The following GRID2 variants were observed in gnomAD, a reference collection of about 807,000 sequenced individuals.
GRID2 encodes the protein glutamate ionotropic receptor delta type subunit 2.
A neutral mutation model predicts 114.8 loss-of-function variants in GRID2; 33 were observed. The ratio of observed to expected loss-of-function variants is 0.29; its 90% CI spans 0.22 to 0.38. GRID2 has a LOEUF of 0.38. Ranked by LOEUF, GRID2 falls within the 10% of genes least tolerant of loss-of-function variation. GRID2 has a pLI of 1.00. For missense variants in GRID2, 1,184 were observed against 1,257.7 expected, an observed-to-expected ratio of 0.94 and a Z score of 0.89; for synonymous variants, 505 against 449.9, an observed-to-expected ratio of 1.12 and a Z score of -1.55.
intron 2 of GRID2, among the ~76,000 whole-genome samples, chr4:92,964,672 T>C (rs974005931): frequency 2.0e-5 from 3 of 152,070 alleles, no homozygotes; most frequent in Non-Finnish European, 2.9e-5. Flanking sequence ...TTTTACATTA[T>C]GGAGAAGACT....
At chr4:93,384,133 T>TGGCCAAAGGGGAA (rs1764106827) in intron 8 of GRID2, among the ~76,000 whole-genome samples, 2 of 152,142 alleles carry the variant, frequency 1.3e-5, no homozygotes, top group Non-Finnish European at 2.9e-5. Flanking sequence ...TATCCTCACA[T>TGGCCAAAGGGGAA]GGCCAAAGGG....
chr4:92,591,411 C>T (rs998577678), intron 2 of GRID2, among the ~76,000 whole-genome samples: 8 of 152,018 alleles, frequency 5.3e-5, no homozygotes, highest in African/African-American at 1.9e-4. Flanking sequence ...ACTAGTCTAC[C>T]TTATTTTTTA....
chr4:92,779,633 G>A (rs753349878), intron 2 of GRID2, among the ~76,000 whole-genome samples: 2 of 151,988 alleles, frequency 1.3e-5, no homozygotes, highest in Non-Finnish European at 2.9e-5. Flanking sequence ...GTCCAACTAT[G>A]GCATCCTTGT....
intron 4 of GRID2, among the ~76,000 whole-genome samples, chr4:93,155,681 T>C (rs1395757510): frequency 6.6e-6 from 1 of 151,684 alleles, no homozygotes; most frequent in Non-Finnish European, 1.5e-5. Context: ...GTACAAATAA[T>C]GGAGAAGGGA....
chr4:93,493,695 C>A (rs920484913), intron 12 of GRID2, among the ~76,000 whole-genome samples: 1 of 151,614 alleles, frequency 6.6e-6, no homozygotes, highest in Non-Finnish European at 1.5e-5. Context: ...GACTTTCATG[C>A]AATAGCAGTG....
intron 3 of GRID2, among the ~76,000 whole-genome samples, chr4:93,098,767 G>A (rs550140725): frequency 3.8e-4 from 57 of 151,960 alleles, no homozygotes; most frequent in Non-Finnish European, 6.3e-4. Flanking sequence ...TATTAGAATG[G>A]ATTCAGCTGT....
At chr4:92,705,588 G>A (rs371163984) in intron 2 of GRID2, among the ~76,000 whole-genome samples, 20 of 152,260 alleles carry the variant, frequency 1.3e-4, no homozygotes, top group African/African-American at 3.4e-4. Context: ...AACCGGACTG[G>A]ACTAGGAAAA....
intron 2 of GRID2, among the ~76,000 whole-genome samples, chr4:92,724,376 G>A (rs768852920): frequency 7.2e-5 from 11 of 152,138 alleles, no homozygotes; most frequent in African/African-American, 2.2e-4. Flanking sequence ...TCCTGAATAC[G>A]CCTAGGTTAG....
chr4:92,606,909 A>G (rs755477907), intron 2 of GRID2, among the ~76,000 whole-genome samples: 1 of 152,032 alleles, frequency 6.6e-6, no homozygotes, highest in Admixed American at 6.6e-5. Context: ...AAAGATTTCT[A>G]GCTTCTGTGC....
intron 2 of GRID2, among the ~76,000 whole-genome samples, chr4:92,889,346 A>C (rs1159000101): frequency 1.3e-5 from 2 of 152,196 alleles, no homozygotes; most frequent in African/African-American, 4.8e-5. Flanking sequence ...TGCAGATGAC[A>C]TGATTGTATA....
At chr4:92,899,986 A>G (rs1412193206) in intron 2 of GRID2, among the ~76,000 whole-genome samples, 1 of 152,110 alleles carries the variant, frequency 6.6e-6, no homozygotes, top group Non-Finnish European at 1.5e-5. Flanking sequence ...GGAGTGTTCT[A>G]GAGATGGAGG....
intron 8 of GRID2, among the ~76,000 whole-genome samples, chr4:93,252,508 C>G (rs1331639787): frequency 1.3e-5 from 2 of 151,768 alleles, no homozygotes; most frequent in African/African-American, 4.8e-5. Flanking sequence ...ACATGATGCC[C>G]CCAGCTTTGT....
At chr4:93,550,715 T>C (rs185190052) in intron 13 of GRID2, among the ~76,000 whole-genome samples, 72 of 152,336 alleles carry the variant, frequency 4.7e-4, no homozygotes, top group East Asian at 3.7e-3. Flanking sequence ...TATTCCAATA[T>C]GTTGAATAAT....
intron 4 of GRID2, among the ~76,000 whole-genome samples, chr4:93,162,732 A>G (rs982874802): frequency 6.6e-6 from 1 of 151,956 alleles, no homozygotes; most frequent in African/African-American, 2.4e-5. Flanking sequence ...GGTATCCTAG[A>G]AAGAATGATG....
chr4:93,099,517 G>T (rs1281363590), intron 3 of GRID2, among the ~76,000 whole-genome samples: 3 of 151,594 alleles, frequency 2.0e-5, no homozygotes, highest in African/African-American at 7.3e-5. Flanking sequence ...TGCATAATAA[G>T]TATTGACAAA....
At chr4:93,212,863 C>T (rs925108945) in intron 5 of GRID2, among the ~76,000 whole-genome samples, 1 of 151,708 alleles carries the variant, frequency 6.6e-6, no homozygotes, top group Non-Finnish European at 1.5e-5. Flanking sequence ...ACCTCTTCCT[C>T]CTGGGTTCAA....
rs191365734 is a variant in GRID2, at chr4:93,216,824, G to C, written c.876G>C (p.Gln292His). The C allele has an allele frequency of 1.4e-5, 22 of 1,613,062 alleles. No individual in the cohort carries two copies. In the African/African-American group the frequency reaches 2.4e-4, roughly 18 times the overall value. The change falls in exon 6 of 16, where the codon CAG becomes CAC. Residue 292 changes from glutamine (Q) to histidine (H), a missense_variant. Physicochemically the swap from Gln to His is conservative, Grantham distance 24. This residue lies in a region of GRID2 where 455 missense variants were observed against 429.5 expected (regional missense o/e 1.06). Coordinates refer to ENST00000282020, the MANE Select transcript of GRID2 (RefSeq NM_001510.4). ...TIIRQTFPVP[Q>H]NISQRCFRGN... ...TTCGGCAGACATTTCCAGTTCCCCA[G>C]AACATAAGTCAGCGGTGTTTCCGTG...
intron 2 of GRID2, among the ~76,000 whole-genome samples, chr4:92,654,367 A>T (rs1001670321): frequency 1.3e-5 from 2 of 152,002 alleles, no homozygotes; most frequent in African/African-American, 2.4e-5. Context: ...TTCTAATACC[A>T]TCACACTAGC....
At chr4:92,397,766 G>A (rs907629906) in intron 1 of GRID2, among the ~76,000 whole-genome samples, 1 of 152,074 alleles carries the variant, frequency 6.6e-6, no homozygotes, top group African/African-American at 2.4e-5. Context: ...GTCTGAGAAA[G>A]TGACAGAGGG....
Sources: gnomAD v4.1 joint callset for allele counts (sites outside exome capture counted in the v4.1 genomes callset) on GRCh38, gnomAD v4.1.1 for gene constraint, gnomAD v4.1.1 regional missense constraint, MANE v1.5 for transcripts, NCBI Gene and HGNC (gene_info 2026-07-23, HGNC 2026-07-21) for gene names.